The following RUNX1 variants were observed in gnomAD, a reference collection of about 807,000 sequenced individuals.
RUNX1 encodes runt-related transcription factor 1.
Under a neutral mutation model 42.8 loss-of-function variants are expected in RUNX1, and 19 were observed. The observed-to-expected ratio is 0.44, with a 90% CI of 0.31 to 0.65. The LOEUF (loss-of-function observed/expected upper bound fraction) is 0.65, where lower values mean the gene tolerates loss of function less well. Ranked by LOEUF, RUNX1 falls within the 30% of genes least tolerant of loss-of-function variation. RUNX1 has a pLI of 0.07. For missense variants in RUNX1, 528 were observed against 672.0 expected (o/e 0.79, Z 2.37); for synonymous variants, 271 against 289.4 (o/e 0.94, Z 0.64).
chr21:34,804,799 G>C (rs1453616793), intron 7 of RUNX1, among the ~76,000 whole-genome samples: 1 of 149,332 alleles, frequency 6.7e-6, no homozygotes, highest in Non-Finnish European at 1.5e-5. Context: ...CTGGAGTGCA[G>C]TGGCGCAATC....
intron 4 of RUNX1, 51 bp from the exon 5 acceptor site, chr21:34,880,764 AC>A: frequency 6.4e-7 from 1 of 1,569,314 alleles, no homozygotes. Context: ...TTATACATAC[AC>A]TTTTAGGGCA....
At position 34,820,735 on chromosome 21, in the gene RUNX1, T is replaced by C. The variant is rs146532486; in HGVS notation, c.805+13675A>G. 2.1e-3 allele frequency among the ~76,000 whole-genome samples: 321 copies of C among 152,094 alleles called. 2 individuals carry two copies. The highest frequency in any genetic ancestry group is 3.7e-3 in the Non-Finnish European group (251 of 67,992). Reference sequence around the variant, plus strand: ...CAGCACATGATACTGAACCCAACCATGGGACCTAGCATCTCCCTGAGATGG... The same window carrying C: ...CAGCACATGATACTGAACCCAACCACGGGACCTAGCATCTCCCTGAGATGG... On this transcript the variant is annotated intron_variant, in intron 7 of 8. Transcript: ENST00000675419.
At chr21:35,006,233 C>T (rs933121514) in intron 2 of RUNX1, among the ~76,000 whole-genome samples, 15 of 152,164 alleles carry the variant, frequency 9.9e-5, no homozygotes, top group African/African-American at 9.7e-5. Flanking sequence ...TGGAGGCACC[C>T]ACACGTGGAA....
At chr21:34,832,298 T>C (rs1351206004) in intron 7 of RUNX1, among the ~76,000 whole-genome samples, 1 of 152,162 alleles carries the variant, frequency 6.6e-6, no homozygotes, top group Non-Finnish European at 1.5e-5. Flanking sequence ...TTCCCCCCAT[T>C]TTTTTGTTTT....
intron 2 of RUNX1, among the ~76,000 whole-genome samples, chr21:35,031,532 A>G (rs1053625355): frequency 6.6e-6 from 1 of 152,166 alleles, no homozygotes; most frequent in Non-Finnish European, 1.5e-5. Flanking sequence ...ATCCAAAGGA[A>G]ATGAAGTCAG....
chr21:35,005,460 T>C (rs1486928741), intron 2 of RUNX1, among the ~76,000 whole-genome samples: 1 of 152,210 alleles, frequency 6.6e-6, no homozygotes, highest in Non-Finnish European at 1.5e-5. Context: ...ATTAATAATT[T>C]AGTTAATCTA....
At chr21:35,016,620 G>T (rs1471561755) in intron 2 of RUNX1, among the ~76,000 whole-genome samples, 1 of 152,014 alleles carries the variant, frequency 6.6e-6, no homozygotes, top group African/African-American at 2.4e-5. Flanking sequence ...TCTGCCTGAG[G>T]GGACAGAACA....
chr21:34,993,073 C>T (rs1412751077), intron 2 of RUNX1, among the ~76,000 whole-genome samples: 1 of 152,220 alleles, frequency 6.6e-6, no homozygotes, highest in Non-Finnish European at 1.5e-5. Context: ...GGGAAGCACT[C>T]GTGGAAGGTG....
At chr21:34,931,892 G>C (rs1464485077) in intron 2 of RUNX1, among the ~76,000 whole-genome samples, 1 of 152,114 alleles carries the variant, frequency 6.6e-6, no homozygotes, top group East Asian at 1.9e-4. Context: ...TGAGAAGTCT[G>C]TACTGAATTC....
At chr21:35,014,332 AT>A (rs753613268) in intron 2 of RUNX1, among the ~76,000 whole-genome samples, 28 of 152,210 alleles carry the variant, frequency 1.8e-4, no homozygotes, top group Non-Finnish European at 3.4e-4. Flanking sequence ...GAATTAAACA[AT>A]GAAACATCCT....
intron 2 of RUNX1, among the ~76,000 whole-genome samples, chr21:35,010,241 C>T (rs1275321717): frequency 6.6e-6 from 1 of 152,032 alleles, no homozygotes; most frequent in African/African-American, 2.4e-5. Context: ...GGCATTATTA[C>T]TCCATAAGCT....
intron 2 of RUNX1, among the ~76,000 whole-genome samples, chr21:35,037,855 A>G (rs1319535318): frequency 6.6e-6 from 1 of 151,962 alleles, no homozygotes; most frequent in African/African-American, 2.4e-5. Flanking sequence ...AAGTTCATAA[A>G]CTCAGCCTTC....
chr21:34,999,170 G>A (rs765342652), intron 2 of RUNX1, among the ~76,000 whole-genome samples: 29 of 152,214 alleles, frequency 1.9e-4, no homozygotes, highest in Admixed American at 2.6e-4. Context: ...ACCCAGAGCC[G>A]GAGCTTGGAG....
chr21:34,925,648 A>G lies in RUNX1; in HGVS notation c.59-32685T>C, dbSNP rs374377138. 3.2e-4 allele frequency among the ~76,000 whole-genome samples: 49 copies of G among 152,308 alleles called. 2 individuals are homozygous for G. The South Asian group carries it at 9.3e-3, about 29-fold the overall frequency. Reference sequence around the variant, plus strand: ...TCCTGATCTTAGACTTCTGGCTTCTAAAGTTTTGAGGCAATAAATTTCTGT... The same window carrying G: ...TCCTGATCTTAGACTTCTGGCTTCTGAAGTTTTGAGGCAATAAATTTCTGT... On this transcript the variant is annotated intron_variant, in intron 2 of 8. Coordinates refer to ENST00000675419, the MANE Select transcript of RUNX1 (RefSeq NM_001754.5).
chr21:34,974,474 C>G (rs1262360775), intron 2 of RUNX1, among the ~76,000 whole-genome samples: 1 of 151,592 alleles, frequency 6.6e-6, no homozygotes, highest in Non-Finnish European at 1.5e-5. Context: ...CAAGTTTTGA[C>G]TTGAAGCCGG....
chr21:34,866,581 G>C (rs981938039), intron 5 of RUNX1, among the ~76,000 whole-genome samples: 2 of 152,152 alleles, frequency 1.3e-5, no homozygotes, highest in African/African-American at 4.8e-5. Context: ...CAACCTAACA[G>C]CCAAAATTCA....
At chr21:34,857,154 C>T (rs561841440) in intron 6 of RUNX1, among the ~76,000 whole-genome samples, 11 of 152,290 alleles carry the variant, frequency 7.2e-5, no homozygotes, top group South Asian at 4.1e-4. Context: ...ACTTATTCCA[C>T]GCATTTAGTT....
intron 3 of RUNX1, chr21:34,889,718 C>T (rs759652122): frequency 1.3e-5 from 15 of 1,186,306 alleles, no homozygotes; most frequent in Middle Eastern, 3.4e-4. Context: ...CTGCGCCGGT[C>T]CCCGCGGTGC....
rs1201213903 is a variant in RUNX1 at position 34,871,942 on chromosome 21, C to G, written c.508+8615G>C. ...CACTGCAACCTCCGCCTCCCTGGTT[C>G]AAGCAATTTTCCTGCCTCAGCCTTC... On this transcript the variant is annotated intron_variant, in intron 5 of 8. Transcript: ENST00000675419. Among the ~76,000 whole-genome samples, 3 of 151,782 alleles carry G rather than the reference C, an allele frequency of 2.0e-5. No individual in the cohort carries two copies. The South Asian group carries it at 6.2e-4, about 32-fold the overall frequency.
Sources: allele counts gnomAD v4.1 joint callset (sites outside exome capture counted in the v4.1 genomes callset), GRCh38; gene constraint gnomAD v4.1.1; transcripts MANE v1.5; gene names NCBI Gene and HGNC (gene_info 2026-07-23, HGNC 2026-07-21).